YIF1B: variants seen among roughly 807,000 people sequenced by gnomAD.
YIF1B encodes protein YIF1B.
In YIF1B, 24 loss-of-function variants were observed where a neutral mutation model predicts 34.6. The observed-to-expected ratio is 0.69, with a 90% CI of 0.50 to 0.98. The LOEUF (loss-of-function observed/expected upper bound fraction) is 0.98. Among genes scored for constraint, YIF1B ranks in the 50% least tolerant of loss-of-function variants. The probability of loss-of-function intolerance (pLI) is 0.00; values close to 1 mark genes in which losing one functional copy is unlikely to be tolerated. For synonymous variants in YIF1B, 186 were observed against 184.8 expected (o/e 1.01, Z -0.05); for missense variants, 368 against 429.4 (o/e 0.86, Z 1.26).
At chr19:38,312,231 G>A (rs1969355160) in intron 1 of YIF1B, among the ~76,000 whole-genome samples, 2 of 152,072 alleles carry the variant, frequency 1.3e-5, no homozygotes, top group Non-Finnish European at 1.5e-5. Flanking sequence ...GACCAGCCTG[G>A]CCAACATAGT....
At chr19:38,315,740 T>C in intron 1 of YIF1B, 120 bp downstream of exon 1, 1 of 1,609,782 alleles carries the variant, frequency 6.2e-7, no homozygotes, top group Non-Finnish European at 8.5e-7. Flanking sequence ...CCCAGCGCTG[T>C]GCACACCTCA....
Position 38,307,778 on chromosome 19 carries a change from G to C in YIF1B, c.540-26C>G, listed in dbSNP as rs774520883. 3.1e-6 allele frequency: 5 copies of C among 1,609,512 alleles called. No homozygotes were observed. In the South Asian group the frequency reaches 4.4e-5, roughly 14 times the overall value. ...CTGCAGGCACAAAGCCCCGCCACTT[G>C]GTTGGCTGGTTCAGACCCCCCACCC... On this transcript the variant is annotated intron_variant, in intron 5 of 7. Transcript: ENST00000339413.
intron 1 of YIF1B, among the ~76,000 whole-genome samples, chr19:38,311,875 G>A (rs1313071902): frequency 1.3e-5 from 2 of 152,192 alleles, no homozygotes; most frequent in African/African-American, 4.8e-5. Context: ...AAGGCAGGTG[G>A]ATCACCAGGT....
intron 1 of YIF1B, among the ~76,000 whole-genome samples, chr19:38,315,118 G>A (rs1307523845): frequency 2.0e-5 from 3 of 151,860 alleles, no homozygotes; most frequent in African/African-American, 7.3e-5. Context: ...GGTGGCCTGC[G>A]CCTGTAATCC....
chr19:38,314,735 T>C (rs1359437742), intron 1 of YIF1B, among the ~76,000 whole-genome samples: 1 of 145,532 alleles, frequency 6.9e-6, no homozygotes, highest in African/African-American at 2.5e-5. Context: ...AGCCTCAGAC[T>C]CCCAAGTAGC....
chr19:38,320,315 C>T (rs1265882813), upstream of YIF1B: 13 of 1,595,304 alleles, frequency 8.1e-6, no homozygotes, highest in Middle Eastern at 6.7e-4. Flanking sequence ...ACCCGGGATC[C>T]CCACTTCATC....
intron 1 of YIF1B, among the ~76,000 whole-genome samples, chr19:38,312,640 G>A (rs1969369180): frequency 6.6e-6 from 1 of 152,208 alleles, no homozygotes. Context: ...CACAGGGAAT[G>A]AGTGATCAGA....
At chr19:38,306,972 C>T (rs757834302) in intron 7 of YIF1B, 11 of 471,848 alleles carry the variant, frequency 2.3e-5, no homozygotes, top group African/African-American at 1.2e-4. Flanking sequence ...TGAGCCACCG[C>T]GCCCGGCAAA....
upstream of YIF1B, among the ~76,000 whole-genome samples, chr19:38,316,223 C>G (rs1330713211): frequency 6.6e-6 from 1 of 152,210 alleles, no homozygotes. Flanking sequence ...AAATGAGTGT[C>G]TGCCCCTTGC....
Position 38,307,662 on chromosome 19 carries a change from CA to C in YIF1B, c.629del (p.Leu210ArgfsTer24), listed in dbSNP as rs1969118058. 1 of 1,613,750 alleles carries C rather than the reference CA, an allele frequency of 6.2e-7. No individual in the cohort carries two copies. The highest frequency in any genetic ancestry group is 1.3e-5 in the African/African-American group (1 of 74,964). Reference sequence around the variant, plus strand: ...TGGTGAGGTCGGTGTTGACAGTGACCAGATAGAGGCTGAGCAGGATGGCCAG... The same window carrying C: ...TGGTGAGGTCGGTGTTGACAGTGACCGATAGAGGCTGAGCAGGATGGCCAG... ...EVLAILLSLY[L>X]VTVNTDLTTI... On this transcript the variant is annotated frameshift_variant, in exon 6 of 8. Coordinates refer to ENST00000339413, the MANE Select transcript of YIF1B (RefSeq NM_001039672.3). LOFTEE classifies it high-confidence loss of function.
At chr19:38,314,076 A>G (rs762159348) in intron 1 of YIF1B, among the ~76,000 whole-genome samples, 1 of 151,622 alleles carries the variant, frequency 6.6e-6, no homozygotes, top group Non-Finnish European at 1.5e-5. Flanking sequence ...CCTAGGCTGG[A>G]GTGCAATGGC....
At chr19:38,313,712 T>C (rs1444097390) in intron 1 of YIF1B, among the ~76,000 whole-genome samples, 1 of 152,224 alleles carries the variant, frequency 6.6e-6, no homozygotes, top group Non-Finnish European at 1.5e-5. Context: ...GGGGATCCCA[T>C]GCACCAGCCA....
chr19:38,314,613 CCTCTTT>C (rs1969466021), intron 1 of YIF1B, among the ~76,000 whole-genome samples: 1 of 149,400 alleles, frequency 6.7e-6, no homozygotes, highest in Non-Finnish European at 1.5e-5. Context: ...GGTGGATCAC[CCTCTTT>C]TTTTTTTTTT....
intron 1 of YIF1B, among the ~76,000 whole-genome samples, chr19:38,310,759 C>T (rs1177350235): frequency 6.6e-6 from 1 of 152,082 alleles, no homozygotes; most frequent in African/African-American, 2.4e-5. Context: ...GCTGCACCAG[C>T]TGTGCCTCTG....
rs187341173 is a variant in YIF1B, at chr19:38,309,021, C to A, written c.439G>T (p.Ala147Ser). Residue 147 changes from alanine to serine, a missense_variant, in exon 4 of 8, where the codon GCC becomes TCC. Around this residue, in one of 3 missense-constraint regions of YIF1B, gnomAD observed 208 missense variants for 247.8 expected, o/e 0.84. Transcript: ENST00000339413. ...GGGGCATTGACGTCAAAGCGGGGGGCCACCGGGGTGTCCTGTTGGTACTGC... is the reference window on the plus strand; with the variant it reads ...GGGGCATTGACGTCAAAGCGGGGGGACACCGGGGTGTCCTGTTGGTACTGC... ...EVQYQQDTPV[A>S]PRFDVNAPDL... 1.3e-5 allele frequency: 21 copies of A among 1,564,350 alleles called. No individual in the cohort carries two copies. Among genetic ancestry groups the A allele is most frequent in the Admixed American group, 7.5e-5 (4 of 53,280 alleles).
At chr19:38,317,048 A>G (rs916113697), upstream of YIF1B, 4 of 152,246 alleles carry the variant, frequency 2.6e-5, no homozygotes, top group African/African-American at 9.6e-5. Context: ...ATCTTAAGGC[A>G]GTTTCCCAGA....
Position 38,308,972 on chromosome 19 carries a change from G to T in YIF1B, c.481+7C>A. On this transcript the variant is annotated splice_region_variant and intron_variant, in intron 4 of 7. Transcript: ENST00000339413. ...GAGGAGGGTGCAGGGTAGGGGGAGG[G>T]TGAAACCTGGAATGTAGAGGTCCGG... is the stretch of plus-strand genomic sequence containing the variant. The T allele has an allele frequency of 6.2e-7, 1 of 1,605,290 alleles. No homozygotes were observed. Among genetic ancestry groups the T allele is most frequent in the Non-Finnish European group, 8.5e-7 (1 of 1,174,344 alleles).
chr19:38,304,564 G>C lies in YIF1B; in HGVS notation c.*788C>G, dbSNP rs758185982. The C allele has an allele frequency of 3.7e-5, 59 of 1,606,202 alleles. No individual in the cohort carries two copies. The African/African-American group carries it at 6.0e-4, about 16-fold the overall frequency. On this transcript the variant is annotated 3_prime_UTR_variant, in exon 8 of 8. Transcript: ENST00000339413. Reference sequence around the variant, plus strand: ...CCCCTGACCCCAGGGTCCTGCCTTAGGCCTCCAACTTCAGGGGGCTGGGTA... The same window carrying C: ...CCCCTGACCCCAGGGTCCTGCCTTACGCCTCCAACTTCAGGGGGCTGGGTA...
chr19:38,310,695 C>G (rs973753628), intron 1 of YIF1B, among the ~76,000 whole-genome samples: 2 of 152,162 alleles, frequency 1.3e-5, no homozygotes, highest in African/African-American at 2.4e-5. Flanking sequence ...GCTCCAGCCA[C>G]CTGCGCCTCC....
Sources: gnomAD v4.1 joint callset for allele counts (sites outside exome capture counted in the v4.1 genomes callset) on GRCh38, gnomAD v4.1.1 for gene constraint, gnomAD v4.1.1 regional missense constraint, MANE v1.5 for transcripts, NCBI Gene and HGNC (gene_info 2026-07-23, HGNC 2026-07-21) for gene names.